Variants in DTNB observed in about 807,000 individuals in gnomAD.
DTNB encodes the protein DTN-B.
DTNB carries 63 observed loss-of-function variants against 90.7 expected under a neutral mutation model. The observed-to-expected ratio is 0.69, with a 90% confidence interval of 0.57 to 0.86. The LOEUF is 0.86. DTNB is among the 40% of genes least tolerant of loss of function. DTNB has a pLI of 0.00. For missense variants in DTNB, 744 were observed against 807.1 expected (o/e 0.92, Z 0.95); for synonymous variants, 277 against 286.7 (o/e 0.97, Z 0.34).
chr2:25,589,392 T>G (rs2063114055), intron 6 of DTNB, among the ~76,000 whole-genome samples: 1 of 130,064 alleles, frequency 7.7e-6, no homozygotes, highest in African/African-American at 3.0e-5. Flanking sequence ...TTTTTTTTTT[T>G]TTTTTTGAGA....
In DTNB at chr2:25,572,377, G is replaced by A. The variant is rs543281199; in HGVS notation, c.876+4461C>T. On this transcript the variant is annotated intron_variant, in intron 8 of 20. Coordinates refer to ENST00000406818, the MANE Select transcript of DTNB (RefSeq NM_021907.5). ...AGCAACTCAGGAGGCTGAGGCAGGA[G>A]AATGGCGTGAACCCAGGAGGCGGAG... Among the ~76,000 whole-genome samples, 8 of 151,716 alleles carry A rather than the reference G, an allele frequency of 5.3e-5. No homozygotes were observed. The South Asian group carries it at 1.5e-3, about 28-fold the overall frequency.
intron 8 of DTNB, among the ~76,000 whole-genome samples, chr2:25,542,014 T>C (rs1357562205): frequency 6.6e-6 from 1 of 152,204 alleles, no homozygotes; most frequent in African/African-American, 2.4e-5. Flanking sequence ...TGCTATCAGA[T>C]TTTACAAATA....
chr2:25,410,687 C>A (rs2046362249), intron 16 of DTNB, among the ~76,000 whole-genome samples: 2 of 152,134 alleles, frequency 1.3e-5, no homozygotes, highest in Non-Finnish European at 2.9e-5. Flanking sequence ...CGCCACCCTG[C>A]CATGACGAGG....
chr2:25,668,873 A>C (rs2149068783), intron 1 of DTNB, among the ~76,000 whole-genome samples: 1 of 152,332 alleles, frequency 6.6e-6, no homozygotes, highest in South Asian at 2.1e-4. Flanking sequence ...ACGGGGAAAC[A>C]ACCCAAATGT....
intron 11 of DTNB, among the ~76,000 whole-genome samples, chr2:25,453,873 C>T (rs767278087): frequency 6.6e-6 from 1 of 152,136 alleles, no homozygotes; most frequent in Non-Finnish European, 1.5e-5. Flanking sequence ...CTCAGCCGGG[C>T]GTAGTGGCTC....
chr2:25,607,153 A>G lies in DTNB; in HGVS notation c.448+83T>C, dbSNP rs1327127106. The stretch of plus-strand genomic sequence containing the variant: ...GGTAATTTTTTTAAAAGCTCAATAT[A>G]ACATCATTCAAAATTCTGACAATAT... On this transcript the variant is annotated intron_variant, in intron 5 of 20. Transcript: ENST00000406818. 3.5e-6 allele frequency: 5 copies of G among 1,443,126 alleles called. No homozygotes were observed. In the East Asian group the frequency reaches 1.2e-4, roughly 36 times the overall value. 89.4% of individuals were successfully genotyped at this position (1,443,126 alleles called of 1,614,324 possible). A position where few individuals can be genotyped will look rare whatever the true frequency, so the allele number is the denominator to read the frequency against.
intron 20 of DTNB, among the ~76,000 whole-genome samples, chr2:25,378,801 G>A (rs2149481495): frequency 6.6e-6 from 1 of 152,320 alleles, no homozygotes; most frequent in East Asian, 1.9e-4. Flanking sequence ...GGCTTGGTCA[G>A]CCCTGTAGTC....
intron 12 of DTNB, among the ~76,000 whole-genome samples, chr2:25,445,879 G>A (rs2058335840): frequency 6.7e-6 from 1 of 148,306 alleles, no homozygotes; most frequent in Non-Finnish European, 1.5e-5. Context: ...CAGTATCCCT[G>A]TCCCAGCTTG....
chr2:25,623,179 T>C (rs1325359826), intron 4 of DTNB, among the ~76,000 whole-genome samples: 2 of 152,166 alleles, frequency 1.3e-5, no homozygotes, highest in South Asian at 2.1e-4. Flanking sequence ...TGATCAACTC[T>C]TCCTCTGAGC....
intron 3 of DTNB, 125 bp from the exon 4 acceptor site, chr2:25,628,509 A>G: frequency 1.1e-6 from 1 of 892,828 alleles, no homozygotes; most frequent in Non-Finnish European, 1.7e-6. Context: ...GCCAACAATG[A>G]GGAAAACATT....
chr2:25,443,931 T>C (rs2057977240), intron 12 of DTNB, among the ~76,000 whole-genome samples: 1 of 152,138 alleles, frequency 6.6e-6, no homozygotes, highest in African/African-American at 2.4e-5. Context: ...CATGAGGGTA[T>C]TTCTGAATGC....
intron 9 of DTNB, among the ~76,000 whole-genome samples, chr2:25,486,291 C>A (rs1381804157): frequency 6.6e-6 from 1 of 151,944 alleles, no homozygotes; most frequent in Non-Finnish European, 1.5e-5. Flanking sequence ...AGCGAAACCC[C>A]GTCTCTACAA....
chr2:25,647,599 G>A (rs183108445), intron 2 of DTNB, among the ~76,000 whole-genome samples: 40 of 152,194 alleles, frequency 2.6e-4, no homozygotes, highest in Middle Eastern at 3.4e-3. Context: ...CTCCAGCCAG[G>A]TGCGGTGGCC....
intron 19 of DTNB, among the ~76,000 whole-genome samples, chr2:25,383,508 C>T (rs10205798): frequency 0.34 from 52,407 of 151,956 alleles, 9,270 homozygotes; most frequent in Middle Eastern, 0.38. Context: ...CGTGAGCCAC[C>T]GCACCTGGCC....
intron 7 of DTNB, among the ~76,000 whole-genome samples, chr2:25,580,520 C>CA (rs367833124): frequency 0.011 from 1,291 of 112,310 alleles, 7 homozygotes; most frequent in South Asian, 0.023. Context: ...GACTCTGTCT[C>CA]AAAAAAAAAA....
At chr2:25,548,170 A>G (rs2082839227) in intron 8 of DTNB, among the ~76,000 whole-genome samples, 1 of 152,096 alleles carries the variant, frequency 6.6e-6, no homozygotes. Flanking sequence ...CTTCAGATTT[A>G]TCAGTACTTC....
intron 15 of DTNB, among the ~76,000 whole-genome samples, chr2:25,420,781 C>T (rs533966134): frequency 6.6e-6 from 1 of 152,318 alleles, no homozygotes; most frequent in South Asian, 2.1e-4. Context: ...CTGCACCTGG[C>T]CGGTCTCTGT....
At chr2:25,438,139 G>C (rs537707568) in intron 12 of DTNB, among the ~76,000 whole-genome samples, 1 of 152,262 alleles carries the variant, frequency 6.6e-6, no homozygotes, top group Admixed American at 6.5e-5. Flanking sequence ...GTTCAGATCA[G>C]TGCTGACGGA....
At chr2:25,668,852 T>C (rs2085143062) in intron 1 of DTNB, among the ~76,000 whole-genome samples, 2 of 148,582 alleles carry the variant, frequency 1.3e-5, no homozygotes, top group South Asian at 2.1e-4. Context: ...GCACTCCTTG[T>C]AATGGCCAAA....
Sources: allele counts gnomAD v4.1 joint callset (sites outside exome capture counted in the v4.1 genomes callset), GRCh38; gene constraint gnomAD v4.1.1; transcripts MANE v1.5; gene names NCBI Gene and HGNC (gene_info 2026-07-23, HGNC 2026-07-21).